The following TAB1 variants were observed in gnomAD, a reference collection of about 807,000 sequenced individuals.
TAB1 encodes the protein TGF-beta activated kinase 1 (MAP3K7) binding protein 1.
TAB1 carries 30 observed loss-of-function variants against 54.5 expected under a neutral mutation model. That is an observed-to-expected ratio of 0.55 (90% CI 0.41 to 0.75). The LOEUF is 0.75. Among genes scored for constraint, TAB1 ranks in the 30% least tolerant of loss-of-function variants. The pLI, the probability that TAB1 is intolerant of heterozygous loss-of-function variation, is 0.00. For missense variants in TAB1, 609 were observed against 683.2 expected (o/e 0.89, Z 1.21); for synonymous variants, 289 against 286.9 (o/e 1.01, Z -0.07).
At chr22:39,429,936 G>A (rs1032249744) in intron 10 of TAB1, 79 bp from the exon 11 acceptor site, 7 of 1,585,368 alleles carry the variant, frequency 4.4e-6, no homozygotes, top group South Asian at 2.3e-5. Flanking sequence ...GTAGAGGCAG[G>A]GGCCATTCTG....
chr22:39,429,052 G>C (rs1043438389), intron 10 of TAB1: 20 of 985,442 alleles, frequency 2.0e-5, no homozygotes, highest in Non-Finnish European at 2.4e-5. Context: ...CCACAAAGCA[G>C]AGTGTGAGCG....
intron 1 of TAB1, among the ~76,000 whole-genome samples, chr22:39,413,655 C>G (rs1926703055): frequency 6.6e-6 from 1 of 152,090 alleles, no homozygotes; most frequent in Admixed American, 6.5e-5. Context: ...AAATTTCTGA[C>G]ATCAAATGGT....
chr22:39,432,752 C>T (rs763498417), downstream of TAB1: 183 of 985,632 alleles, frequency 1.9e-4, no homozygotes, highest in Admixed American at 4.9e-4. Context: ...TCTCCCAGCA[C>T]CTGCTCTGCC....
intron 1 of TAB1, among the ~76,000 whole-genome samples, chr22:39,412,892 CTT>C (rs34847488): frequency 1.1e-5 from 1 of 90,470 alleles, no homozygotes; most frequent in Admixed American, 1.3e-4. Context: ...TATCCTGCAA[CTT>C]TTTTTTTTTT....
At chr22:39,433,822 T>C (rs1927679727), downstream of TAB1, 1 of 985,384 alleles carries the variant, frequency 1.0e-6, no homozygotes, top group Non-Finnish European at 1.2e-6. Context: ...AGTTCCTTCT[T>C]GTCCCTCAGG....
At chr22:39,429,006 C>G (rs1230128328) in intron 10 of TAB1, 5 of 972,430 alleles carry the variant, frequency 5.1e-6, no homozygotes, top group Non-Finnish European at 4.9e-6. Flanking sequence ...CTCCAGCACC[C>G]CTGCCGGGCT....
chr22:39,425,492 C>T (rs1462616288), intron 8 of TAB1, among the ~76,000 whole-genome samples: 1 of 151,782 alleles, frequency 6.6e-6, no homozygotes, highest in Non-Finnish European at 1.5e-5. Flanking sequence ...GTTCTGAGCA[C>T]ATTTAAGGTA....
downstream of TAB1, among the ~76,000 whole-genome samples, chr22:39,436,116 A>G (rs564241999): frequency 1.3e-5 from 2 of 152,270 alleles, no homozygotes; most frequent in Admixed American, 6.5e-5. Context: ...ACATGGTAAA[A>G]TCCCATCTCT....
intron 3 of TAB1, among the ~76,000 whole-genome samples, chr22:39,416,292 T>C (rs1423234791): frequency 6.6e-6 from 1 of 152,194 alleles, no homozygotes; most frequent in Non-Finnish European, 1.5e-5. Flanking sequence ...GTCACCAGTG[T>C]CCTGGGGCTG....
intron 1 of TAB1, among the ~76,000 whole-genome samples, chr22:39,414,550 T>C (rs1926741020): frequency 6.6e-6 from 1 of 152,210 alleles, no homozygotes. Flanking sequence ...GCACTGCAGA[T>C]GTCCCGGGCC....
intron 1 of TAB1, among the ~76,000 whole-genome samples, chr22:39,405,158 T>C (rs1010542964): frequency 6.6e-6 from 1 of 152,140 alleles, no homozygotes; most frequent in African/African-American, 2.4e-5. Context: ...GCCCAGGACT[T>C]TGAGATGAGT....
In TAB1 at chr22:39,431,039, A is replaced by G. The variant is rs930300084; in HGVS notation, c.*817A>G. Reference sequence around the variant, plus strand: ...TTTTCCTTCTGGTGCTGTGAAGACCATAGGCTGGCAGGCAGCTGAGATGAA... The same window carrying G: ...TTTTCCTTCTGGTGCTGTGAAGACCGTAGGCTGGCAGGCAGCTGAGATGAA... On this transcript the variant is annotated 3_prime_UTR_variant, in exon 11 of 11. Coordinates refer to ENST00000216160, the MANE Select transcript of TAB1 (RefSeq NM_006116.3). 4 of 985,618 alleles carry G rather than the reference A, an allele frequency of 4.1e-6. No individual in the cohort carries two copies. The highest frequency in any genetic ancestry group is 4.8e-6 in the Non-Finnish European group (4 of 830,148). The allele number at this position is 985,618 out of a possible 1,614,324, so 61.1% of individuals were successfully genotyped here. A position where few individuals can be genotyped will look rare whatever the true frequency, so the allele number is the denominator to read the frequency against.
At chr22:39,436,369 G>A (rs1927784813), downstream of TAB1, 3 of 748,396 alleles carry the variant, frequency 4.0e-6, no homozygotes, top group South Asian at 4.6e-5. Context: ...ATTTAACCTG[G>A]CAAAGAGTTG....
Position 39,428,104 on chromosome 22 carries a change from G to A in TAB1, c.1228G>A (p.Val410Ile). The A allele has an allele frequency of 6.2e-7, 1 of 1,613,858 alleles. No homozygotes were observed. The highest frequency in any genetic ancestry group is 8.5e-7 in the Non-Finnish European group (1 of 1,179,774). Residue 410 changes from valine (V) to isoleucine (I), a missense_variant, in exon 10 of 11, where the codon GTC becomes ATC. By Grantham distance (29) the Val-to-Ile change is conservative. Coordinates refer to ENST00000216160, the MANE Select transcript of TAB1 (RefSeq NM_006116.3). ...TSKTSVTLSL[V>I]MPSQGQMVNG... Reference sequence around the variant, plus strand: ...CAAGACCAGCGTGACCCTCTCCCTTGTCATGCCCTCCCAGGGCCAGATGGT... The same window carrying A: ...CAAGACCAGCGTGACCCTCTCCCTTATCATGCCCTCCCAGGGCCAGATGGT...
intron 8 of TAB1, among the ~76,000 whole-genome samples, chr22:39,425,021 T>G (rs1040397462): frequency 1.2e-4 from 18 of 152,124 alleles, no homozygotes; most frequent in Non-Finnish European, 2.4e-4. Flanking sequence ...GTGGGAACTG[T>G]GCTCCCATAC....
At chr22:39,400,076 G>T (rs1200093810) in intron 1 of TAB1, among the ~76,000 whole-genome samples, 1 of 152,132 alleles carries the variant, frequency 6.6e-6, no homozygotes, top group Non-Finnish European at 1.5e-5. Context: ...GCCGGGCGTC[G>T]AGGGCGGGAG....
chr22:39,422,933 C>T (rs1927159283), intron 8 of TAB1, among the ~76,000 whole-genome samples: 1 of 151,856 alleles, frequency 6.6e-6, no homozygotes, highest in African/African-American at 2.4e-5. Context: ...TGTGTTCCTC[C>T]TCCTTTCTGT....
At chr22:39,425,567 T>A (rs1488005444) in intron 8 of TAB1, among the ~76,000 whole-genome samples, 1 of 151,916 alleles carries the variant, frequency 6.6e-6, no homozygotes, top group Non-Finnish European at 1.5e-5. Context: ...TTCTTTTTTT[T>A]TTTTTGAGAT....
chr22:39,400,728 T>G (rs868520425), intron 1 of TAB1, among the ~76,000 whole-genome samples: 1 of 152,214 alleles, frequency 6.6e-6, no homozygotes, highest in Non-Finnish European at 1.5e-5. Flanking sequence ...TGGACTTGTC[T>G]GCCTCCTGTA....
Sources: gnomAD v4.1 joint callset for allele counts (sites outside exome capture counted in the v4.1 genomes callset) on GRCh38, gnomAD v4.1.1 for gene constraint, MANE v1.5 for transcripts, NCBI Gene and HGNC (gene_info 2026-07-23, HGNC 2026-07-21) for gene names.